The following DDX60 variants were observed in gnomAD, a reference collection of about 807,000 sequenced individuals.
DDX60 encodes probable ATP-dependent RNA helicase DDX60.
A neutral mutation model predicts 212.8 loss-of-function variants in DDX60; 165 were observed. The observed-to-expected ratio is 0.78, with a 90% CI of 0.68 to 0.88. The LOEUF is 0.88. DDX60 is among the 40% of genes least tolerant of loss of function. The probability of loss-of-function intolerance (pLI) is 0.00; values close to 1 mark genes in which losing one functional copy is unlikely to be tolerated. For missense variants in DDX60, 1,905 were observed against 2,003.9 expected (o/e 0.95, Z 0.94); for synonymous variants, 703 against 685.3 (o/e 1.03, Z -0.40).
intron 37 of DDX60, 26 bp downstream of exon 37, chr4:168,220,629 A>C (rs914247331): frequency 8.2e-7 from 1 of 1,225,558 alleles, no homozygotes; most frequent in Admixed American, 2.7e-5. Context: ...AAAAATCTAA[A>C]ATCAATATTT....
intron 14 of DDX60, among the ~76,000 whole-genome samples, chr4:168,279,894 A>G (rs1735514809): frequency 6.6e-6 from 1 of 152,274 alleles, no homozygotes; most frequent in Admixed American, 6.5e-5. Flanking sequence ...GGAACACAGC[A>G]TTAAAGTCAC....
chr4:168,272,255 A>G, intron 18 of DDX60, 117 bp from the exon 19 acceptor site: 2 of 740,430 alleles, frequency 2.7e-6, no homozygotes, highest in East Asian at 2.7e-5. Context: ...GATAATTGGC[A>G]TATAACATTG....
At chr4:168,286,503 A>T (rs889833949) in intron 10 of DDX60, among the ~76,000 whole-genome samples, 12 of 150,898 alleles carry the variant, frequency 8.0e-5, no homozygotes, top group African/African-American at 2.9e-4. Flanking sequence ...ATGACTTTTT[A>T]TTCTATTGAA....
chr4:168,266,880 T>C (rs182773405), intron 22 of DDX60, among the ~76,000 whole-genome samples: 40 of 152,324 alleles, frequency 2.6e-4, no homozygotes, highest in African/African-American at 8.7e-4. Flanking sequence ...TTACCTCCTT[T>C]AATCATCACA....
intron 27 of DDX60, among the ~76,000 whole-genome samples, chr4:168,251,824 A>C (rs1397167072): frequency 1.3e-5 from 2 of 152,218 alleles, no homozygotes; most frequent in East Asian, 3.8e-4. Context: ...AAATGTATGT[A>C]AGTTTGTATG....
chr4:168,277,746 T>A (rs1735406587), intron 14 of DDX60, among the ~76,000 whole-genome samples: 3 of 149,430 alleles, frequency 2.0e-5, no homozygotes, highest in Admixed American at 1.3e-4. Context: ...GAGGCAGAGC[T>A]TGCAGTGAGC....
At chr4:168,266,747 C>T (rs989845687) in intron 22 of DDX60, among the ~76,000 whole-genome samples, 3 of 151,954 alleles carry the variant, frequency 2.0e-5, no homozygotes, top group African/African-American at 7.3e-5. Context: ...TTAGCTTTTT[C>T]CAAAAGAAAG....
rs756772128 is a variant in DDX60, at chr4:168,287,142, T to G, written c.1245A>C (p.Val415=). 5 of 1,611,224 alleles carry G rather than the reference T, an allele frequency of 3.1e-6. No homozygotes were observed. The highest frequency in any genetic ancestry group is 4.2e-6 in the Non-Finnish European group (5 of 1,178,270). ...CCTCAAAGTCTCTGACCAACTTTGATACGGTATTCCAGAGATATTCATAAT... is the reference window on the plus strand; with the variant it reads ...CCTCAAAGTCTCTGACCAACTTTGAGACGGTATTCCAGAGATATTCATAAT... ...MKDYEYLWNT[V]SKLVRDFEVG... is the part of the protein sequence containing the mutation. Residue 415 remains valine (V), a synonymous_variant, in exon 10 of 38, where the codon GTA becomes GTC. Transcript: ENST00000393743.
At chr4:168,274,308 T>A (rs967427413) in intron 16 of DDX60, among the ~76,000 whole-genome samples, 12 of 152,198 alleles carry the variant, frequency 7.9e-5, no homozygotes, top group African/African-American at 1.2e-4. Flanking sequence ...GAACAAAATA[T>A]CTTATTATTG....
intron 1 of DDX60, among the ~76,000 whole-genome samples, chr4:168,314,472 A>G (rs777542338): frequency 2.0e-5 from 3 of 152,224 alleles, no homozygotes; most frequent in African/African-American, 7.2e-5. Context: ...AATTAAAAAT[A>G]TTTCTCATAA....
At chr4:168,250,855 G>GA (rs142107414) in intron 28 of DDX60, 99 bp downstream of exon 28, 9 of 1,088,646 alleles carry the variant, frequency 8.3e-6, no homozygotes, top group Non-Finnish European at 9.2e-6. Context: ...AATTACATGA[G>GA]AAAAAAAGAA....
chr4:168,220,353 G>A (rs564932381), intron 37 of DDX60, among the ~76,000 whole-genome samples: 57 of 152,256 alleles, frequency 3.7e-4, no homozygotes, highest in Non-Finnish European at 6.3e-4. Context: ...GAGAATACCA[G>A]GATCGAGGAG....
At chr4:168,278,300 T>C (rs1183795471) in intron 14 of DDX60, among the ~76,000 whole-genome samples, 4 of 152,192 alleles carry the variant, frequency 2.6e-5, no homozygotes, top group African/African-American at 9.7e-5. Context: ...GCACCTCAAA[T>C]GGCAAAAGTT....
intron 13 of DDX60, among the ~76,000 whole-genome samples, chr4:168,281,524 G>A (rs1244689629): frequency 6.6e-6 from 1 of 152,200 alleles, no homozygotes; most frequent in Admixed American, 6.5e-5. Context: ...GAGTGAATAA[G>A]GAAAGAGGAA....
intron 12 of DDX60, among the ~76,000 whole-genome samples, chr4:168,284,485 G>C (rs1735732932): frequency 6.6e-6 from 1 of 152,060 alleles, no homozygotes; most frequent in African/African-American, 2.4e-5. Context: ...CAGCCAATCG[G>C]GTGTTATCAA....
chr4:168,274,007 G>T lies in DDX60; in HGVS notation c.2381C>A (p.Ala794Asp). ...CACTTTCTCCATACAGTAGTAGGAGGCATAGGTTTTGCCTGAGGACGTTGG... is the reference window on the plus strand; with the variant it reads ...CACTTTCTCCATACAGTAGTAGGAGTCATAGGTTTTGCCTGAGGACGTTGG... ...VAPTSSGKTYASYYCMEKVLK... is the reference protein window; with the variant it reads ...VAPTSSGKTYDSYYCMEKVLK... The change falls in exon 17 of 38, where the codon GCC becomes GAC. Residue 794 changes from alanine (A) to aspartate (D), a missense_variant. Transcript: ENST00000393743. The T allele has an allele frequency of 6.2e-7, 1 of 1,614,174 alleles. No individual in the cohort carries two copies. Among genetic ancestry groups the T allele is most frequent in the Non-Finnish European group, 8.5e-7 (1 of 1,180,018 alleles).
At position 168,308,026 on chromosome 4, in the gene DDX60, A is replaced by T; in HGVS notation, c.244T>A (p.Phe82Ile). The T allele has an allele frequency of 6.3e-7, 1 of 1,596,016 alleles. No homozygotes were observed. Among genetic ancestry groups the T allele is most frequent in the Non-Finnish European group, 8.5e-7 (1 of 1,176,110 alleles). ...GTTACCTTGAAGAAAACTATGGTGA[A>T]TTGTCCTCCTTTGCTAATAAGATCC... ...LVDLISKGGQ[F>I]TIVFFKDAEY... The change falls in exon 4 of 38, where the codon TTC becomes ATC. Residue 82 changes from phenylalanine (F) to isoleucine (I), a missense_variant. Physicochemically the swap from Phe to Ile is conservative, Grantham distance 21. Coordinates refer to ENST00000393743, the MANE Select transcript of DDX60 (RefSeq NM_017631.6).
chr4:168,236,460 A>G, intron 32 of DDX60, 87 bp from the exon 33 acceptor site: 4 of 1,214,482 alleles, frequency 3.3e-6, no homozygotes, highest in Non-Finnish European at 4.5e-6. Context: ...ATTACATTTA[A>G]TTTCATGGAA....
At chr4:168,258,090 T>C (rs1734486185) in intron 25 of DDX60, among the ~76,000 whole-genome samples, 1 of 152,230 alleles carries the variant, frequency 6.6e-6, no homozygotes, top group Admixed American at 6.5e-5. Context: ...CCCGCCTTCA[T>C]GCTCTCTCAG....
Sources: gnomAD v4.1 joint callset for allele counts (sites outside exome capture counted in the v4.1 genomes callset) on GRCh38, gnomAD v4.1.1 for gene constraint, MANE v1.5 for transcripts, NCBI Gene and HGNC (gene_info 2026-07-23, HGNC 2026-07-21) for gene names.